The following NEDD9 variants were observed in gnomAD, a reference collection of about 807,000 sequenced individuals.
The protein encoded by NEDD9 is neural precursor cell expressed, developmentally down-regulated 9, also known as enhancer of filamentation 1.
NEDD9 carries 26 observed loss-of-function variants against 76.6 expected under a neutral mutation model. The ratio of observed to expected loss-of-function variants is 0.34; its 90% CI spans 0.25 to 0.47. NEDD9 has a LOEUF of 0.47. Ranked by LOEUF, NEDD9 falls within the 20% of genes least tolerant of loss-of-function variation. NEDD9 has a pLI of 1.00. For synonymous variants in NEDD9, 392 were observed against 414.2 expected (o/e 0.95, Z 0.65); for missense variants, 937 against 1,058.5 (o/e 0.89, Z 1.59).
chr6:11,257,563 T>C lies in NEDD9; in HGVS notation c.13-43836A>G, dbSNP rs548129345. On this transcript the variant is annotated intron_variant, in intron 3 of 3. Coordinates refer to the NEDD9 transcript ENST00000397378. ...CTTCTTTTTGTCAGTGTTCCCATTC[T>C]AGACACTGCTCCTTACTTGTTCCTT... Among the ~76,000 whole-genome samples, 7 of 152,364 alleles carry C rather than the reference T, an allele frequency of 4.6e-5. No homozygotes were observed. In the South Asian group the frequency reaches 1.4e-3, roughly 32 times the overall value.
intron 2 of NEDD9, among the ~76,000 whole-genome samples, chr6:11,203,511 T>C (rs897438507): frequency 6.6e-6 from 1 of 152,166 alleles, no homozygotes; most frequent in African/African-American, 2.4e-5. Flanking sequence ...GAAGAAGGGA[T>C]GCAGTGGCTG....
intron 1 of NEDD9, among the ~76,000 whole-genome samples, chr6:11,381,273 C>G (rs1763058577): frequency 1.3e-5 from 2 of 152,220 alleles, no homozygotes; most frequent in South Asian, 4.1e-4. Flanking sequence ...GAAGGAGGGA[C>G]TCCCCATGCA....
At chr6:11,337,905 C>T (rs1334610535) in intron 1 of NEDD9, among the ~76,000 whole-genome samples, 1 of 152,164 alleles carries the variant, frequency 6.6e-6, no homozygotes, top group African/African-American at 2.4e-5. Context: ...ATCATACCAG[C>T]GTGTATTCAC....
intron 3 of NEDD9, among the ~76,000 whole-genome samples, chr6:11,295,282 GTTA>G (rs1760864378): frequency 1.3e-5 from 2 of 152,122 alleles, no homozygotes; most frequent in South Asian, 4.1e-4. Flanking sequence ...ATGTTTTATT[GTTA>G]TTATTGTATG....
intron 6 of NEDD9, among the ~76,000 whole-genome samples, chr6:11,186,774 T>C (rs1245798131): frequency 3.3e-5 from 5 of 152,148 alleles, no homozygotes; most frequent in Non-Finnish European, 5.9e-5. Flanking sequence ...CCCGCCACCA[T>C]GCCTGGCTAA....
At position 11,297,132 on chromosome 6, in the gene NEDD9, G is replaced by T. The variant is rs184014602; in HGVS notation, c.12+8860C>A. ...AAAGCTTTGCAGTTTAATTTGTTTT[G>T]TTTTTTTTTTTTTTTGGTTTTCATT... is the stretch of plus-strand genomic sequence containing the variant. On this transcript the variant is annotated intron_variant, in intron 3 of 3. Coordinates refer to the NEDD9 transcript ENST00000397378. Among the ~76,000 whole-genome samples the T allele has an allele frequency of 4.6e-3, 591 of 129,150 alleles. 5 individuals carry two copies. In the East Asian group the frequency reaches 0.052, roughly 11 times the overall value. 84.7% of individuals were successfully genotyped at this position (129,150 alleles called of 152,430 possible). A position where few individuals can be genotyped will look rare whatever the true frequency, so the allele number is the denominator to read the frequency against.
At chr6:11,372,787 G>T (rs1006900426) in intron 1 of NEDD9, among the ~76,000 whole-genome samples, 10 of 152,140 alleles carry the variant, frequency 6.6e-5, no homozygotes, top group African/African-American at 2.4e-4. Context: ...CTTGCCATTT[G>T]TATTTTTCCT....
chr6:11,253,050 A>C (rs990144676), intron 3 of NEDD9, among the ~76,000 whole-genome samples: 3 of 152,210 alleles, frequency 2.0e-5, no homozygotes, highest in African/African-American at 7.2e-5. Flanking sequence ...TGTCTTAATG[A>C]TCTAGGGGTC....
intron 3 of NEDD9, chr6:11,271,698 G>C (rs2113342931): frequency 6.6e-6 from 1 of 152,344 alleles, no homozygotes; most frequent in African/African-American, 2.4e-5. Flanking sequence ...ATGCAGTCTT[G>C]ACATGGCGAC....
chr6:11,335,631 T>G (rs1374865978), intron 1 of NEDD9, among the ~76,000 whole-genome samples: 1 of 152,184 alleles, frequency 6.6e-6, no homozygotes, highest in Non-Finnish European at 1.5e-5. Flanking sequence ...ACTTTTTGCT[T>G]CCACAACCAG....
intron 3 of NEDD9, among the ~76,000 whole-genome samples, chr6:11,280,216 C>T (rs533001943): frequency 3.3e-5 from 5 of 152,260 alleles, no homozygotes; most frequent in African/African-American, 1.2e-4. Flanking sequence ...AAACAACATG[C>T]CAAGGGGAAG....
chr6:11,206,810 TA>T (rs57111989), intron 2 of NEDD9, among the ~76,000 whole-genome samples: 138,562 of 152,270 alleles, frequency 0.91, 63,074 homozygotes, highest in East Asian at 1. Context: ...TGAGAAAAGA[TA>T]ACTTCTCATT....
upstream of NEDD9, among the ~76,000 whole-genome samples, chr6:11,237,659 T>C (rs77947824): frequency 0.021 from 3,225 of 152,292 alleles, 54 homozygotes; most frequent in East Asian, 0.1. The surrounding 1 kb of genome is among the most constrained non-coding windows in gnomAD (Gnocchi z 4.9). Flanking sequence ...GCCATCCCTA[T>C]TCATGTAGGG....
At chr6:11,225,540 C>G (rs1030142810) in intron 1 of NEDD9, among the ~76,000 whole-genome samples, 1 of 152,166 alleles carries the variant, frequency 6.6e-6, no homozygotes, top group Non-Finnish European at 1.5e-5. Flanking sequence ...CTCACTCTGT[C>G]GCCCAGGCTG....
intron 2 of NEDD9, among the ~76,000 whole-genome samples, chr6:11,313,279 A>G (rs1033196762): frequency 6.6e-6 from 1 of 151,670 alleles, no homozygotes; most frequent in South Asian, 2.1e-4. Flanking sequence ...GGATGAATAG[A>G]AAATTGGGTG....
chr6:11,351,154 G>T (rs185404881), intron 1 of NEDD9, among the ~76,000 whole-genome samples: 3 of 152,232 alleles, frequency 2.0e-5, no homozygotes, highest in Admixed American at 6.5e-5. Flanking sequence ...CAGCATGTGC[G>T]AGGGACATGA....
intron 1 of NEDD9, among the ~76,000 whole-genome samples, chr6:11,371,251 A>C (rs1762869025): frequency 1.3e-5 from 2 of 152,176 alleles, no homozygotes; most frequent in Admixed American, 6.5e-5. Flanking sequence ...ATTTGCTACA[A>C]TCAATAAACC....
At chr6:11,320,140 C>T (rs1252246706) in intron 2 of NEDD9, among the ~76,000 whole-genome samples, 1 of 152,180 alleles carries the variant, frequency 6.6e-6, no homozygotes, top group Non-Finnish European at 1.5e-5. Context: ...ACAGTGACCA[C>T]GCCCTGCCGC....
intron 2 of NEDD9, among the ~76,000 whole-genome samples, chr6:11,209,970 C>CTTT (rs752612102): frequency 7.6e-5 from 10 of 131,072 alleles, no homozygotes; most frequent in East Asian, 2.4e-4. Flanking sequence ...AATTCACTGT[C>CTTT]TTTTTTTTTT....
Sources: allele counts gnomAD v4.1 joint callset (sites outside exome capture counted in the v4.1 genomes callset), GRCh38; gene constraint gnomAD v4.1.1; non-coding constraint Gnocchi (gnomAD v3.1); transcripts MANE v1.5; gene names NCBI Gene and HGNC (gene_info 2026-07-23, HGNC 2026-07-21).